The following ZBTB40 variants were observed in gnomAD, a reference collection of about 807,000 sequenced individuals.
ZBTB40 encodes the protein zinc finger and BTB domain containing 40.
Under a neutral mutation model 117.5 loss-of-function variants are expected in ZBTB40, and 60 were observed. That is an observed-to-expected ratio of 0.51 (90% CI 0.41 to 0.63). ZBTB40 has a LOEUF of 0.63. Among genes scored for constraint, ZBTB40 ranks in the 30% least tolerant of loss-of-function variants. The pLI, the probability that ZBTB40 is intolerant of heterozygous loss-of-function variation, is 0.00. For synonymous variants in ZBTB40, 525 were observed against 577.1 expected (o/e 0.91, Z 1.29); for missense variants, 1,287 against 1,498.5 (o/e 0.86, Z 2.33).
chr1:22,487,677 T>C (rs1638508809), intron 1 of ZBTB40, among the ~76,000 whole-genome samples: 1 of 152,070 alleles, frequency 6.6e-6, no homozygotes, highest in Admixed American at 6.6e-5. Context: ...CCTGATCTCC[T>C]GCAATAATAG....
intron 1 of ZBTB40, among the ~76,000 whole-genome samples, chr1:22,470,186 A>G (rs1257893154): frequency 6.6e-6 from 1 of 152,182 alleles, no homozygotes; most frequent in Admixed American, 6.5e-5. Flanking sequence ...AGGTCACTTG[A>G]TTTCTATCAA....
At chr1:22,523,686 C>T (rs557603737) in intron 16 of ZBTB40, among the ~76,000 whole-genome samples, 15 of 152,300 alleles carry the variant, frequency 9.8e-5, no homozygotes, top group African/African-American at 3.4e-4. Context: ...CATTTGGTTT[C>T]CATGAGTTAA....
intron 1 of ZBTB40, among the ~76,000 whole-genome samples, chr1:22,459,977 A>C (rs928716908): frequency 6.6e-6 from 1 of 152,216 alleles, no homozygotes; most frequent in Admixed American, 6.5e-5. Context: ...AATTCTGTTT[A>C]GAATCCCTCC....
intron 1 of ZBTB40, among the ~76,000 whole-genome samples, chr1:22,459,173 G>A (rs1641075472): frequency 6.6e-6 from 1 of 151,938 alleles, no homozygotes; most frequent in African/African-American, 2.4e-5. Context: ...TGTATATATT[G>A]TTTTATTTCT....
At position 22,526,187 on chromosome 1, in the gene ZBTB40, G is replaced by T. The variant is rs1160297654; in HGVS notation, c.3526-15G>T. On this transcript the variant is annotated splice_polypyrimidine_tract_variant and intron_variant, in intron 17 of 17. Transcript: ENST00000375647. ...GAACACTGCCCAGAGCAGCCTCACG[G>T]TCTTTCTCTTTCAGGTGATCCAAAC... 6.2e-7 allele frequency: 1 copy of T among 1,614,164 alleles called. No individual in the cohort carries two copies. The highest frequency in any genetic ancestry group is 1.7e-5 in the Admixed American group (1 of 60,024).
At chr1:22,434,945 G>A (rs1307775943) in intron 1 of ZBTB40, among the ~76,000 whole-genome samples, 5 of 151,610 alleles carry the variant, frequency 3.3e-5, no homozygotes, top group Non-Finnish European at 4.4e-5. Flanking sequence ...ACATTTTTAC[G>A]TTGTTTACCT....
chr1:22,490,094 T>C lies in ZBTB40; in HGVS notation c.146T>C (p.Phe49Ser). The change falls in exon 2 of 18, where the codon TTC (phenylalanine) becomes TCC (serine). Residue 49 changes from phenylalanine (F) to serine (S), a missense_variant. Phe to Ser is a radical substitution (Grantham distance 155, BLOSUM62 -2). Coordinates refer to ENST00000375647, the MANE Select transcript of ZBTB40 (RefSeq NM_014870.4). ...KLVLAAASLL[F>S]KTLLDNTDTI... ...GTCCTGGCTGCTGCCAGCCTCCTGT[T>C]CAAAACCCTGCTGGATAACACAGAT... 1 of 1,614,180 alleles carries C rather than the reference T, an allele frequency of 6.2e-7. No homozygotes were observed. The highest frequency in any genetic ancestry group is 1.7e-5 in the Admixed American group (1 of 60,020).
chr1:22,497,535 A>G (rs570580006), intron 3 of ZBTB40, among the ~76,000 whole-genome samples: 51 of 152,342 alleles, frequency 3.3e-4, no homozygotes, highest in African/African-American at 1.2e-3. Flanking sequence ...CCATAGATAG[A>G]AGGGCTAATG....
At chr1:22,434,631 T>C (rs1181270543) in intron 1 of ZBTB40, among the ~76,000 whole-genome samples, 1 of 152,202 alleles carries the variant, frequency 6.6e-6, no homozygotes, top group Non-Finnish European at 1.5e-5. Flanking sequence ...AAAACTTCTT[T>C]TTCAAATTAT....
intron 3 of ZBTB40, among the ~76,000 whole-genome samples, chr1:22,500,582 C>T (rs903481163): frequency 6.6e-6 from 1 of 152,222 alleles, no homozygotes; most frequent in African/African-American, 2.4e-5. Flanking sequence ...AAGTTCTTAT[C>T]CCACATACTT....
At chr1:22,497,444 G>A (rs981596295) in intron 3 of ZBTB40, among the ~76,000 whole-genome samples, 4 of 152,124 alleles carry the variant, frequency 2.6e-5, no homozygotes, top group South Asian at 2.1e-4. Flanking sequence ...AATGAGATTC[G>A]TTTTACAGGT....
At chr1:22,497,599 G>A (rs1293239472) in intron 3 of ZBTB40, among the ~76,000 whole-genome samples, 1 of 152,184 alleles carries the variant, frequency 6.6e-6, no homozygotes, top group Non-Finnish European at 1.5e-5. Flanking sequence ...CACCTACTAT[G>A]TACCAGTCTT....
intron 9 of ZBTB40, 82 bp from the exon 10 acceptor site, chr1:22,511,093 CTTTT>C (rs34404742): frequency 5.5e-4 from 735 of 1,339,896 alleles, no homozygotes; most frequent in Non-Finnish European, 6.2e-4. Context: ...CTGGGATTAG[CTTTT>C]TTTTTTTTTT....
chr1:22,460,070 C>G (rs567713331), intron 1 of ZBTB40, among the ~76,000 whole-genome samples: 33 of 152,324 alleles, frequency 2.2e-4, no homozygotes, highest in East Asian at 9.6e-4. Context: ...ATACCTCCCC[C>G]CTTAAAGCTC....
chr1:22,515,738 C>T (rs1639357966), intron 12 of ZBTB40, among the ~76,000 whole-genome samples: 1 of 152,192 alleles, frequency 6.6e-6, no homozygotes, highest in Non-Finnish European at 1.5e-5. Context: ...GTCCTTTTGC[C>T]ATGTATGGTA....
intron 13 of ZBTB40, 95 bp downstream of exon 13, chr1:22,517,559 G>A: frequency 6.8e-7 from 1 of 1,464,632 alleles, no homozygotes. Flanking sequence ...TCAGACCCAA[G>A]CTCCATTCAG....
At chr1:22,482,689 A>C (rs1321177531) in intron 1 of ZBTB40, among the ~76,000 whole-genome samples, 1 of 152,100 alleles carries the variant, frequency 6.6e-6, no homozygotes, top group Non-Finnish European at 1.5e-5. Context: ...GGTCTTTTTT[A>C]CTATCTATAT....
At chr1:22,492,531 C>T (rs1352326288) in intron 3 of ZBTB40, among the ~76,000 whole-genome samples, 2 of 152,216 alleles carry the variant, frequency 1.3e-5, no homozygotes, top group Non-Finnish European at 2.9e-5. Context: ...CCCCGGCAGG[C>T]TTGCTCCTCT....
At chr1:22,463,229 A>G (rs1460028283) in intron 1 of ZBTB40, among the ~76,000 whole-genome samples, 1 of 152,070 alleles carries the variant, frequency 6.6e-6, no homozygotes, top group Non-Finnish European at 1.5e-5. Context: ...TGCGCGCCAC[A>G]CCTTTACTGT....
Sources: allele counts gnomAD v4.1 joint callset (sites outside exome capture counted in the v4.1 genomes callset), GRCh38; gene constraint gnomAD v4.1.1; transcripts MANE v1.5; gene names NCBI Gene and HGNC (gene_info 2026-07-23, HGNC 2026-07-21).